Variants in ADGRB3 observed in about 807,000 individuals in gnomAD.
ADGRB3 encodes brain-specific angiogenesis inhibitor 3.
ADGRB3 carries 37 observed loss-of-function variants against 193.4 expected under a neutral mutation model. The observed-to-expected ratio is 0.19, with a 90% CI of 0.15 to 0.25. The LOEUF is 0.25. Among genes scored for constraint, ADGRB3 ranks in the 10% least tolerant of loss-of-function variants. The pLI, the probability that ADGRB3 is intolerant of heterozygous loss-of-function variation, is 1.00. For missense variants in ADGRB3, 1,637 were observed against 1,852.9 expected (o/e 0.88, Z 2.14); for synonymous variants, 690 against 644.2 (o/e 1.07, Z -1.08).
chr6:69,287,417 T>C (rs1322154259), intron 20 of ADGRB3, among the ~76,000 whole-genome samples: 1 of 152,146 alleles, frequency 6.6e-6, no homozygotes, highest in African/African-American at 2.4e-5. Context: ...TTCAACACCA[T>C]TTCTCATGGA....
At chr6:69,191,228 GT>G (rs202238940) in intron 17 of ADGRB3, among the ~76,000 whole-genome samples, 5 of 150,800 alleles carry the variant, frequency 3.3e-5, no homozygotes, top group African/African-American at 1.2e-4. Flanking sequence ...TAGTTCAATG[GT>G]TTTTTTTTCC....
chr6:68,897,819 G>T (rs1048041347), intron 3 of ADGRB3, among the ~76,000 whole-genome samples: 1 of 146,504 alleles, frequency 6.8e-6, no homozygotes, highest in Non-Finnish European at 1.5e-5. Context: ...AAGAAGAAAA[G>T]GAAGGAAGGA....
chr6:68,654,876 A>G (rs978803308), intron 3 of ADGRB3, among the ~76,000 whole-genome samples: 2 of 151,898 alleles, frequency 1.3e-5, no homozygotes, highest in East Asian at 3.9e-4. Flanking sequence ...ATACATTCAG[A>G]TCAGTATTCT....
intron 3 of ADGRB3, among the ~76,000 whole-genome samples, chr6:68,852,582 G>T (rs1039511151): frequency 5.9e-5 from 9 of 151,782 alleles, no homozygotes; most frequent in African/African-American, 2.2e-4. Flanking sequence ...ATGTATTTTG[G>T]CTTCATTAAA....
At chr6:68,853,423 C>T (rs1768445229) in intron 3 of ADGRB3, among the ~76,000 whole-genome samples, 1 of 151,886 alleles carries the variant, frequency 6.6e-6, no homozygotes, top group East Asian at 1.9e-4. Flanking sequence ...TTTAATAATG[C>T]TTTTCATCCT....
rs577873802 is a variant in ADGRB3, at chr6:69,165,576, T to G, written c.2481-67714T>G. Among the ~76,000 whole-genome samples the G allele has an allele frequency of 2.0e-5, 3 of 152,150 alleles. No individual in the cohort carries two copies. In the East Asian group the frequency reaches 5.8e-4, roughly 29 times the overall value. ...ATCAGCCTTCAAAAACAAGCTCACATTCTGCCTCCTCCAGGAAGCCTCTCC... is the reference window on the plus strand; with the variant it reads ...ATCAGCCTTCAAAAACAAGCTCACAGTCTGCCTCCTCCAGGAAGCCTCTCC... On this transcript the variant is annotated intron_variant, in intron 17 of 31. Coordinates refer to ENST00000370598, the MANE Select transcript of ADGRB3 (RefSeq NM_001704.3).
At chr6:69,047,228 G>A (rs1050312021) in intron 13 of ADGRB3, among the ~76,000 whole-genome samples, 3 of 152,050 alleles carry the variant, frequency 2.0e-5, no homozygotes, top group East Asian at 1.9e-4. Context: ...TTCCATATAA[G>A]TTCTCCAAGG....
rs571654633 is a variant in ADGRB3 at position 68,814,018 on chromosome 6, C to T, written c.758-116541C>T. Among the ~76,000 whole-genome samples, 4 of 152,242 alleles carry T rather than the reference C, an allele frequency of 2.6e-5. No homozygotes were observed. The South Asian group carries it at 6.2e-4, about 24-fold the overall frequency. ...TGTGAATAGTGCCACAATAAACCTA[C>T]GTGTGCATGTGTCTTTATAGCAGCA... On this transcript the variant is annotated intron_variant, in intron 3 of 31. Transcript: ENST00000370598.
chr6:68,821,465 T>G (rs1055896348), intron 3 of ADGRB3, among the ~76,000 whole-genome samples: 6 of 152,004 alleles, frequency 3.9e-5, no homozygotes, highest in Non-Finnish European at 8.8e-5. Context: ...ATATACATAT[T>G]GCTTAAGTGC....
At chr6:68,724,401 A>G (rs1465321737) in intron 3 of ADGRB3, among the ~76,000 whole-genome samples, 2 of 151,712 alleles carry the variant, frequency 1.3e-5, no homozygotes, top group Admixed American at 6.6e-5. Flanking sequence ...GTCAGTTTCT[A>G]TATTTCAATA....
At chr6:69,013,527 G>A (rs1005259302) in intron 11 of ADGRB3, among the ~76,000 whole-genome samples, 1 of 152,104 alleles carries the variant, frequency 6.6e-6, no homozygotes, top group Non-Finnish European at 1.5e-5. Context: ...GCAATTGGTA[G>A]TTGTAAAAGT....
intron 3 of ADGRB3, among the ~76,000 whole-genome samples, chr6:68,851,355 T>C (rs908654501): frequency 6.6e-6 from 1 of 151,928 alleles, no homozygotes; most frequent in African/African-American, 2.4e-5. Context: ...ATATTTTTCT[T>C]TTTACATGAC....
intron 3 of ADGRB3, among the ~76,000 whole-genome samples, chr6:68,788,958 CA>C (rs1767039261): frequency 6.6e-6 from 1 of 152,162 alleles, no homozygotes; most frequent in South Asian, 2.1e-4. Context: ...TCTGTTTTAG[CA>C]GAGACTGGGA....
chr6:68,889,754 G>C (rs9454635), intron 3 of ADGRB3, among the ~76,000 whole-genome samples: 2 of 151,576 alleles, frequency 1.3e-5, no homozygotes, highest in African/African-American at 2.4e-5. Context: ...CACCTGCCTC[G>C]GCCTCCCAAA....
At position 69,341,583 on chromosome 6, in the gene ADGRB3, G is replaced by A. The variant is rs540574546; in HGVS notation, c.3459+2079G>A. ...GTTGCCAAGCCTTACTATTCCCTTA[G>A]CAAGTTTCTACCTAGAATATCAGCA... is the stretch of plus-strand genomic sequence containing the variant. On this transcript the variant is annotated intron_variant, in intron 26 of 31. Coordinates refer to ENST00000370598, the MANE Select transcript of ADGRB3 (RefSeq NM_001704.3). Among the ~76,000 whole-genome samples the A allele has an allele frequency of 3.9e-5, 6 of 152,134 alleles. No homozygotes were observed. In the South Asian group the frequency reaches 1.0e-3, roughly 26 times the overall value.
At chr6:68,695,933 T>C (rs149661684) in intron 3 of ADGRB3, among the ~76,000 whole-genome samples, 2 of 152,092 alleles carry the variant, frequency 1.3e-5, no homozygotes, top group South Asian at 2.1e-4. Context: ...GTTCTTGGCT[T>C]CCCCCATTTG....
intron 17 of ADGRB3, among the ~76,000 whole-genome samples, chr6:69,173,440 T>C (rs1775340892): frequency 6.6e-6 from 1 of 152,248 alleles, no homozygotes. Context: ...TATTCATTTT[T>C]ATTTACTTCT....
At chr6:69,228,352 A>G (rs934019736) in intron 17 of ADGRB3, among the ~76,000 whole-genome samples, 3 of 152,228 alleles carry the variant, frequency 2.0e-5, no homozygotes, top group Non-Finnish European at 4.4e-5. Flanking sequence ...GACATAATAT[A>G]GTTCTCAAAA....
intron 29 of ADGRB3, among the ~76,000 whole-genome samples, chr6:69,364,538 C>A (rs1350585397): frequency 6.6e-6 from 1 of 152,016 alleles, no homozygotes; most frequent in Non-Finnish European, 1.5e-5. Context: ...TCTAGATTTT[C>A]TCTGAGCCTA....
Sources: allele counts gnomAD v4.1 joint callset (sites outside exome capture counted in the v4.1 genomes callset), GRCh38; gene constraint gnomAD v4.1.1; transcripts MANE v1.5; gene names NCBI Gene and HGNC (gene_info 2026-07-23, HGNC 2026-07-21).